The following PJVK variants were observed in gnomAD, a reference collection of about 807,000 sequenced individuals.
PJVK encodes the protein autosomal recessive deafness type 59 protein.
Under a neutral mutation model 37.6 loss-of-function variants are expected in PJVK, and 33 were observed. That is an observed-to-expected ratio of 0.88 (90% CI 0.67 to 1.17). The LOEUF is 1.17. Ranked by LOEUF, PJVK falls within the 50% of genes most tolerant of loss-of-function variation. The pLI is 0.00. For missense variants in PJVK, 410 were observed against 413.8 expected (o/e 0.99, Z 0.08); for synonymous variants, 141 against 143.5 (o/e 0.98, Z 0.13).
At chr2:178,453,367 G>T in intron 1 of PJVK, 21 bp from the exon 2 acceptor site, 2 of 1,604,718 alleles carry the variant, frequency 1.2e-6, no homozygotes, top group South Asian at 2.2e-5. Context: ...CTTTAAAAAT[G>T]GATTTATCTG....
At chr2:178,455,502 G>A in intron 3 of PJVK, 1 of 920,230 alleles carries the variant, frequency 1.1e-6, no homozygotes, top group Non-Finnish European at 1.8e-6. Context: ...TCTTCTCTGG[G>A]ACTTGTGGGC....
At chr2:178,454,791 C>G in intron 3 of PJVK, 3 of 1,558,466 alleles carry the variant, frequency 1.9e-6, no homozygotes, top group Admixed American at 1.7e-5. Context: ...AGAGATTGAC[C>G]AGAAATAGGA....
chr2:178,451,750 G>A lies in PJVK; in HGVS notation c.-42G>A. The A allele has an allele frequency of 2.0e-6, 2 of 985,332 alleles. No individual in the cohort carries two copies. Among genetic ancestry groups the A allele is most frequent in the Non-Finnish European group, 1.2e-6 (1 of 829,846 alleles). The allele number at this position is 985,332 out of a possible 1,614,324, so 61.0% of individuals were successfully genotyped here. A position where few individuals can be genotyped will look rare whatever the true frequency, so the allele number is the denominator to read the frequency against. ...GGGCTCCTTTGTCTTCTGGGCTTTC[G>A]TCGCGAGATGGAACGCTGGGTCAGT... is the stretch of plus-strand genomic sequence containing the variant. On this transcript the variant is annotated 5_prime_UTR_variant, in exon 1 of 7. Transcript: ENST00000644580.
At chr2:178,452,501 C>G (rs1697747811) in intron 1 of PJVK, 1 of 985,222 alleles carries the variant, frequency 1.0e-6, no homozygotes. Flanking sequence ...ATTGGAAGGG[C>G]TACATAGTCA....
chr2:178,458,391 C>A (rs1460152926), intron 4 of PJVK, 119 bp from the exon 5 acceptor site: 2 of 796,336 alleles, frequency 2.5e-6, no homozygotes, highest in East Asian at 2.8e-5. Context: ...CAGAATAATC[C>A]TTTACTTGGG....
In PJVK at chr2:178,453,447, T is replaced by C. The variant is rs771700961; in HGVS notation, c.38T>C (p.Val13Ala). ...AAATKSFVKQ[V>A]GDGGRLVPVP... ...GCTACCAAGAGCTTTGTCAAGCAAGTTGGAGATGGAGGGAGATTAGTTCCT... is the reference window on the plus strand; with the variant it reads ...GCTACCAAGAGCTTTGTCAAGCAAGCTGGAGATGGAGGGAGATTAGTTCCT... The change falls in exon 2 of 7, where the codon GTT (valine) becomes GCT (alanine). Residue 13 changes from valine to alanine, a missense_variant. By Grantham distance (64) the Val-to-Ala change is moderately conservative. Transcript: ENST00000644580. 3.1e-6 allele frequency: 5 copies of C among 1,614,166 alleles called. No individual in the cohort carries two copies. The East Asian group carries it at 6.7e-5, about 22-fold the overall frequency.
chr2:178,454,935 G>T, intron 3 of PJVK: 1 of 897,032 alleles, frequency 1.1e-6, no homozygotes, highest in South Asian at 1.3e-5. Context: ...CAACAGGGCA[G>T]ACCTGCCTGA....
rs1393346885 is a variant in PJVK at position 178,451,758 on chromosome 2, A to G, written c.-34A>G. ...TTGTCTTCTGGGCTTTCGTCGCGAG[A>G]TGGAACGCTGGGTCAGTGCATCCCA... On this transcript the variant is annotated 5_prime_UTR_variant, in exon 1 of 7. The change abolishes an upstream ATG in the 5' untranslated region. Transcript: ENST00000644580. The G allele has an allele frequency of 5.1e-6, 5 of 985,174 alleles. No homozygotes were observed. Among genetic ancestry groups the G allele is most frequent in the African/African-American group, 3.5e-5 (2 of 57,192 alleles). The allele number at this position is 985,174 out of a possible 1,614,324, so 61.0% of individuals were successfully genotyped here. A position where few individuals can be genotyped will look rare whatever the true frequency, so the allele number is the denominator to read the frequency against.
chr2:178,453,722 T>C (rs1697862465), intron 2 of PJVK, 102 bp downstream of exon 2: 1 of 961,884 alleles, frequency 1.0e-6, no homozygotes, highest in Non-Finnish European at 1.6e-6. Flanking sequence ...ACATTTTCAA[T>C]GATTAAAGCA....
At chr2:178,460,260 A>G in intron 5 of PJVK, 88 bp from the exon 6 acceptor site, 2 of 1,091,092 alleles carry the variant, frequency 1.8e-6, no homozygotes, top group South Asian at 2.7e-5. Context: ...CAATACAATG[A>G]ATGATTTGTA....
intron 1 of PJVK, chr2:178,452,256 G>A (rs1382185703): frequency 9.4e-6 from 9 of 960,526 alleles, no homozygotes; most frequent in Non-Finnish European, 1.1e-5. Context: ...TCGCGCCACT[G>A]CACTCCAGCC....
intron 1 of PJVK, chr2:178,452,258 A>T (rs1034870911): frequency 8.2e-5 from 79 of 965,468 alleles, no homozygotes; most frequent in Non-Finnish European, 9.4e-5. Context: ...GCGCCACTGC[A>T]CTCCAGCCTG....
chr2:178,454,239 A>G (rs1697906329), intron 2 of PJVK, 93 bp from the exon 3 acceptor site: 1 of 1,095,116 alleles, frequency 9.1e-7, no homozygotes, highest in African/African-American at 1.6e-5. Flanking sequence ...ACATTTGGGT[A>G]TTTGAGTCTT....
chr2:178,453,208 C>G (rs1359105182), intron 1 of PJVK, 180 bp from the exon 2 acceptor site: 2 of 564,748 alleles, frequency 3.5e-6, no homozygotes, highest in South Asian at 2.0e-5. Flanking sequence ...CATTTTACAC[C>G]GTTGATCTAT....
rs1035320255 is a variant in PJVK at position 178,456,715 on chromosome 2, C to T, written c.549+564C>T. ...CTGGGAGGTGGAGGTTGCAGTGAGC[C>T]GAGATTGTGCCATTGCACTCTAACC... On this transcript the variant is annotated intron_variant, in intron 4 of 6. Transcript: ENST00000644580. Among the ~76,000 whole-genome samples, 4 of 151,970 alleles carry T rather than the reference C, an allele frequency of 2.6e-5. No individual in the cohort carries two copies. In the East Asian group the frequency reaches 5.8e-4, roughly 22 times the overall value.
chr2:178,454,028 A>G (rs947642950), intron 2 of PJVK: 2 of 323,684 alleles, frequency 6.2e-6, no homozygotes, highest in South Asian at 3.9e-5. Flanking sequence ...TTATATAATA[A>G]GCTGATATTT....
chr2:178,456,345 T>C (rs1412465681), intron 4 of PJVK, 194 bp downstream of exon 4: 2 of 674,514 alleles, frequency 3.0e-6, no homozygotes, highest in South Asian at 1.9e-5. Context: ...ATTCTAAACA[T>C]GTGTAATATA....
chr2:178,461,897 TATAA>T lies in PJVK; in HGVS notation c.*624_*627del, dbSNP rs1206742490. On this transcript the variant is annotated 3_prime_UTR_variant, in exon 7 of 7. Transcript: ENST00000644580. ...CGTGCCTGGCCTAGATAACTTTTTA[TATAA>T]TTAAGAGATTTTTGTAAATACCAAT... is the stretch of plus-strand genomic sequence containing the variant. Among the ~76,000 whole-genome samples, 1 of 152,208 alleles carries T rather than the reference TATAA, an allele frequency of 6.6e-6. No homozygotes were observed.
intron 5 of PJVK, among the ~76,000 whole-genome samples, chr2:178,459,006 G>A (rs1684307552): frequency 6.6e-6 from 1 of 152,190 alleles, no homozygotes; most frequent in Non-Finnish European, 1.5e-5. Context: ...GATGCCTGAA[G>A]TGTTAGGATG....
Sources: gnomAD v4.1 joint callset for allele counts (sites outside exome capture counted in the v4.1 genomes callset) on GRCh38, gnomAD v4.1.1 for gene constraint, MANE v1.5 for transcripts, NCBI Gene and HGNC (gene_info 2026-07-23, HGNC 2026-07-21) for gene names.